Variants in CNPY1 observed in about 807,000 individuals in gnomAD.
CNPY1 encodes the protein canopy FGF signaling regulator 1.
A neutral mutation model predicts 14.4 loss-of-function variants in CNPY1; 14 were observed. The observed-to-expected ratio is 0.97, with a 90% confidence interval of 0.64 to 1.52. The LOEUF (loss-of-function observed/expected upper bound fraction) is 1.52, where lower values mean the gene tolerates loss of function less well. Among genes scored for constraint, CNPY1 ranks in the 40% most tolerant of loss-of-function variants. CNPY1 has a pLI of 0.00. For synonymous variants in CNPY1, 43 were observed against 46.5 expected, an observed-to-expected ratio of 0.92 and a Z score of 0.31; for missense variants, 129 against 131.5, an observed-to-expected ratio of 0.98 and a Z score of 0.09.
chr7:155,508,780 T>C, intron 3 of CNPY1, 114 bp downstream of exon 3: 2 of 1,131,680 alleles, frequency 1.8e-6, no homozygotes, highest in Non-Finnish European at 1.3e-6. Context: ...TTAATGTGCA[T>C]TTTGATGTTC....
Position 155,507,057 on chromosome 7 carries a change from T to A in CNPY1, c.363A>T (p.Thr121=). ...DEISSLIAQE[T]HYLADKLCSE... ...TGCACAGCTTGTCAGCTAGATAGTGTGTCTCCTGGGCGATAAGTGAGGATA... is the reference window on the plus strand; with the variant it reads ...TGCACAGCTTGTCAGCTAGATAGTGAGTCTCCTGGGCGATAAGTGAGGATA... Residue 121 remains threonine, a synonymous_variant, in exon 4 of 5, where the codon ACA becomes ACT. Coordinates refer to ENST00000636446, the MANE Select transcript of CNPY1 (RefSeq NM_001393663.1). 9 of 1,612,878 alleles carry A rather than the reference T, an allele frequency of 5.6e-6. No homozygotes were observed. The highest frequency in any genetic ancestry group is 7.6e-6 in the Non-Finnish European group (9 of 1,179,156).
intron 2 of CNPY1, among the ~76,000 whole-genome samples, chr7:155,527,824 G>A (rs1315073065): frequency 6.6e-6 from 1 of 152,174 alleles, no homozygotes; most frequent in African/African-American, 2.4e-5. Flanking sequence ...CAGCCTACCT[G>A]ATTTGCACAG....
chr7:155,533,553 C>T (rs1796979495), intron 2 of CNPY1, among the ~76,000 whole-genome samples: 1 of 152,242 alleles, frequency 6.6e-6, no homozygotes, highest in Non-Finnish European at 1.5e-5. Context: ...GCGGGAAGCC[C>T]CGCAGCACCA....
Position 155,509,005 on chromosome 7 carries a change from C to T in CNPY1, c.192G>A (p.Val64=), listed in dbSNP as rs2116683352. ...MNDYKLEEDP[V]TKERTFKRFA... ...ATCTCTTGAAAGTTCTCTCCTTCGT[C>T]ACAGGGTCTTCCTCAAGCTTGTAGT... is the stretch of plus-strand genomic sequence containing the variant. Residue 64 remains valine, a synonymous_variant, in exon 3 of 5, where the codon GTG becomes GTA. Transcript: ENST00000636446. 2 of 1,613,936 alleles carry T rather than the reference C, an allele frequency of 1.2e-6. No homozygotes were observed. Among genetic ancestry groups the T allele is most frequent in the Non-Finnish European group, 1.7e-6 (2 of 1,179,888 alleles).
At chr7:155,512,979 T>C (rs944650288) in intron 2 of CNPY1, among the ~76,000 whole-genome samples, 4 of 152,242 alleles carry the variant, frequency 2.6e-5, no homozygotes, top group Non-Finnish European at 5.9e-5. Flanking sequence ...AAATCACTGC[T>C]GATATTAGTT....
chr7:155,522,189 C>A (rs919847847), intron 2 of CNPY1, among the ~76,000 whole-genome samples: 9 of 152,270 alleles, frequency 5.9e-5, no homozygotes, highest in Admixed American at 5.9e-4. Flanking sequence ...GGCCAGGAGC[C>A]ATGAATGGGG....
At chr7:155,531,202 G>C in intron 2 of CNPY1, among the ~76,000 whole-genome samples, 1 of 152,158 alleles carries the variant, frequency 6.6e-6, no homozygotes, top group East Asian at 1.9e-4. Flanking sequence ...GCTGAGAGCC[G>C]GTGCTGCAAA....
intron 2 of CNPY1, among the ~76,000 whole-genome samples, 172 bp downstream of exon 2, chr7:155,545,659 A>C (rs1055310216): frequency 1.3e-5 from 2 of 152,224 alleles, no homozygotes; most frequent in Admixed American, 6.5e-5. Context: ...GAGATACTTC[A>C]ATTTCAAGCT....
chr7:155,503,250 A>G, intron 4 of CNPY1, 145 bp from the exon 5 acceptor site: 1 of 713,954 alleles, frequency 1.4e-6, no homozygotes, highest in Non-Finnish European at 2.3e-6. Flanking sequence ...ATGTTATTAT[A>G]GAAATTACCC....
At chr7:155,538,359 C>T (rs958826359) in intron 2 of CNPY1, among the ~76,000 whole-genome samples, 2 of 152,230 alleles carry the variant, frequency 1.3e-5, no homozygotes, top group African/African-American at 4.8e-5. Context: ...ACTGTTGCCA[C>T]CAACCTCATT....
intron 2 of CNPY1, among the ~76,000 whole-genome samples, chr7:155,516,008 C>T (rs898391142): frequency 4.6e-5 from 7 of 151,308 alleles, no homozygotes; most frequent in African/African-American, 1.7e-4. Flanking sequence ...AACGTGCACG[C>T]GTGTGTGTGT....
In CNPY1 at chr7:155,503,770, C is replaced by T. The variant is rs550291387; in HGVS notation, c.401-665G>A. Among the ~76,000 whole-genome samples the T allele has an allele frequency of 4.6e-5, 7 of 152,230 alleles. No individual in the cohort carries two copies. In the South Asian group the frequency reaches 8.3e-4, roughly 18 times the overall value. ...TGTGGCAAATTCATCAGTGATGATG[C>T]TTTTAAATGTTAAGGTTTGATGTGG... On this transcript the variant is annotated intron_variant, in intron 4 of 4. Transcript: ENST00000636446.
At chr7:155,542,323 C>T (rs1233167925) in intron 2 of CNPY1, among the ~76,000 whole-genome samples, 1 of 152,084 alleles carries the variant, frequency 6.6e-6, no homozygotes, top group African/African-American at 2.4e-5. Context: ...CTGGGAGTCA[C>T]CAGGCTCCAA....
chr7:155,506,879 T>A lies in CNPY1; in HGVS notation c.400+141A>T. 4.6e-6 allele frequency: 3 copies of A among 655,496 alleles called. No homozygotes were observed. In the South Asian group the frequency reaches 4.9e-5, roughly 11 times the overall value. The allele number at this position is 655,496 out of a possible 1,614,324, so 40.6% of individuals were successfully genotyped here. A position where few individuals can be genotyped will look rare whatever the true frequency, so the allele number is the denominator to read the frequency against. Reference sequence around the variant, plus strand: ...TTCTCTCACATGCTGTCGTTTCTGATTCAGCGGAGACGGGGGATCCTGTGT... The same window carrying A: ...TTCTCTCACATGCTGTCGTTTCTGAATCAGCGGAGACGGGGGATCCTGTGT... On this transcript the variant is annotated intron_variant, in intron 4 of 4. Coordinates refer to ENST00000636446, the MANE Select transcript of CNPY1 (RefSeq NM_001393663.1).
intron 2 of CNPY1, among the ~76,000 whole-genome samples, chr7:155,527,910 C>T (rs1015579163): frequency 2.6e-5 from 4 of 152,242 alleles, no homozygotes; most frequent in Non-Finnish European, 5.9e-5. Context: ...TCTCCTGAGG[C>T]GTGGCCCTGG....
At chr7:155,511,674 A>G (rs1796535247) in intron 2 of CNPY1, among the ~76,000 whole-genome samples, 1 of 152,218 alleles carries the variant, frequency 6.6e-6, no homozygotes, top group African/African-American at 2.4e-5. Context: ...CTAGCCCTTT[A>G]GAGTAAACAT....
chr7:155,503,249 T>C (rs1476867085), intron 4 of CNPY1, 144 bp from the exon 5 acceptor site: 4 of 717,908 alleles, frequency 5.6e-6, no homozygotes, highest in East Asian at 2.7e-5. Flanking sequence ...AATGTTATTA[T>C]AGAAATTACC....
chr7:155,544,050 CCATT>C (rs1386321234), intron 2 of CNPY1, among the ~76,000 whole-genome samples: 5 of 152,192 alleles, frequency 3.3e-5, no homozygotes, highest in Non-Finnish European at 7.3e-5. Flanking sequence ...AAACTTAATT[CCATT>C]CTGGGATTAG....
Position 155,501,323 on chromosome 7 carries a change from A to G in CNPY1, c.*1745T>C, listed in dbSNP as rs1796101135. 6.6e-6 allele frequency: 1 copy of G among 152,250 alleles called. No individual in the cohort carries two copies. The highest frequency in any genetic ancestry group is 2.1e-4 in the South Asian group (1 of 4,834). 9.4% of individuals were successfully genotyped at this position (152,250 alleles called of 1,614,324 possible). ...TCCCCACGTCCGTTTAGTTACAAAC[A>G]GGAGCCCACATTTTCTTAATTTCTA... On this transcript the variant is annotated 3_prime_UTR_variant, in exon 5 of 5. Coordinates refer to ENST00000636446, the MANE Select transcript of CNPY1 (RefSeq NM_001393663.1).
Sources: allele counts gnomAD v4.1 joint callset (sites outside exome capture counted in the v4.1 genomes callset), GRCh38; gene constraint gnomAD v4.1.1; transcripts MANE v1.5; gene names NCBI Gene and HGNC (gene_info 2026-07-23, HGNC 2026-07-21).